TMEM132D: variants seen among roughly 807,000 people sequenced by gnomAD.
TMEM132D encodes the protein mature OL transmembrane protein.
In TMEM132D, 21 loss-of-function variants were observed where a neutral mutation model predicts 62.3. The observed-to-expected ratio is 0.34, with a 90% CI of 0.24 to 0.49. The LOEUF (loss-of-function observed/expected upper bound fraction) is 0.49. Among genes scored for constraint, TMEM132D ranks in the 20% least tolerant of loss-of-function variants. The pLI, the probability that TMEM132D is intolerant of heterozygous loss-of-function variation, is 0.99. For missense variants in TMEM132D, 1,346 were observed against 1,402.8 expected, an observed-to-expected ratio of 0.96 and a Z score of 0.65; for synonymous variants, 621 against 575.6, an observed-to-expected ratio of 1.08 and a Z score of -1.13.
intron 3 of TMEM132D, among the ~76,000 whole-genome samples, chr12:129,514,106 T>C (rs1029566346): frequency 6.6e-5 from 10 of 151,980 alleles, no homozygotes. Context: ...CCCAAAGTGC[T>C]GGGATTACAG....
chr12:129,131,383 G>C (rs1323598135), intron 5 of TMEM132D, among the ~76,000 whole-genome samples: 5 of 152,210 alleles, frequency 3.3e-5, no homozygotes, highest in Non-Finnish European at 5.9e-5. Flanking sequence ...AAGGTGGGCG[G>C]ATTGCTTGAG....
chr12:129,538,870 CG>C (rs1876492232), intron 2 of TMEM132D, among the ~76,000 whole-genome samples: 2 of 149,690 alleles, frequency 1.3e-5, no homozygotes, highest in African/African-American at 5.0e-5. Flanking sequence ...TGACCCCTGG[CG>C]ATAGGTCAGA....
At chr12:129,817,682 G>T (rs537692883) in intron 1 of TMEM132D, among the ~76,000 whole-genome samples, 4 of 143,126 alleles carry the variant, frequency 2.8e-5, no homozygotes, top group East Asian at 2.2e-4. Context: ...ATGTGTGGGG[G>T]GTGTGTATGT....
intron 1 of TMEM132D, among the ~76,000 whole-genome samples, chr12:129,711,798 ATATAT>A (rs1868380243): frequency 6.8e-6 from 1 of 148,096 alleles, no homozygotes; most frequent in Admixed American, 6.8e-5. Context: ...TATTATAAAT[ATATAT>A]TATATATTTA....
chr12:129,678,967 T>C lies in TMEM132D; in HGVS notation c.968+20843A>G, dbSNP rs76970720. On this transcript the variant is annotated intron_variant, in intron 2 of 8. Coordinates refer to ENST00000422113, the MANE Select transcript of TMEM132D (RefSeq NM_133448.3). ...TTTTTGGGCTTTTTCTGTTCATTTG[T>C]TATTTATCTATTGTATTCCAGTATC... 7.9e-3 allele frequency among the ~76,000 whole-genome samples: 1,209 copies of C among 152,170 alleles called. 18 individuals are homozygous for C. Among genetic ancestry groups the C allele is most frequent in the African/African-American group, 0.028 (1,150 of 41,576 alleles).
At chr12:129,236,633 T>A (rs1879794429) in intron 4 of TMEM132D, among the ~76,000 whole-genome samples, 1 of 152,014 alleles carries the variant, frequency 6.6e-6, no homozygotes, top group Non-Finnish European at 1.5e-5. Flanking sequence ...TTTCGTGGCG[T>A]CTTTAGGGTT....
chr12:129,272,799 G>T (rs775191400), intron 4 of TMEM132D, among the ~76,000 whole-genome samples: 1 of 151,700 alleles, frequency 6.6e-6, no homozygotes, highest in Non-Finnish European at 1.5e-5. Context: ...GGCGGCTCAC[G>T]CCTGTAATCC....
rs144799233 is a variant in TMEM132D at position 129,789,430 on chromosome 12, G to A, written c.80-88732C>T. Among the ~76,000 whole-genome samples the A allele has an allele frequency of 3.9e-5, 6 of 152,306 alleles. No individual in the cohort carries two copies. In the South Asian group the frequency reaches 8.3e-4, roughly 21 times the overall value. On this transcript the variant is annotated intron_variant, in intron 1 of 8. Coordinates refer to ENST00000422113, the MANE Select transcript of TMEM132D (RefSeq NM_133448.3). ...GTGAAAAAGATACTTACACACGCAC[G>A]TTTATAGCAGCACAATTTGCAATTG...
At chr12:129,233,066 C>T (rs1481757348) in intron 4 of TMEM132D, among the ~76,000 whole-genome samples, 1 of 152,178 alleles carries the variant, frequency 6.6e-6, no homozygotes, top group East Asian at 1.9e-4. Context: ...CACAATGCCT[C>T]CTTTTTCATT....
At chr12:129,263,521 C>A (rs550360775) in intron 4 of TMEM132D, among the ~76,000 whole-genome samples, 1 of 152,080 alleles carries the variant, frequency 6.6e-6, no homozygotes, top group East Asian at 1.9e-4. Context: ...GTGCTCTTGA[C>A]CATATATGGA....
At chr12:129,700,914 T>C (rs956091403) in intron 1 of TMEM132D, among the ~76,000 whole-genome samples, 2 of 152,266 alleles carry the variant, frequency 1.3e-5, no homozygotes, top group Non-Finnish European at 2.9e-5. Context: ...CAGTATCATT[T>C]AACCTATAAA....
chr12:129,539,533 T>A (rs2137096518), intron 2 of TMEM132D, among the ~76,000 whole-genome samples: 1 of 150,972 alleles, frequency 6.6e-6, no homozygotes, highest in African/African-American at 2.4e-5. Flanking sequence ...GCCTCCCAAG[T>A]AGCTGGGACT....
intron 5 of TMEM132D, among the ~76,000 whole-genome samples, chr12:129,193,946 G>C (rs978408165): frequency 3.3e-5 from 5 of 152,152 alleles, no homozygotes; most frequent in African/African-American, 1.2e-4. Flanking sequence ...GATTTTTCTT[G>C]AACGTCTCTT....
intron 1 of TMEM132D, among the ~76,000 whole-genome samples, chr12:129,869,942 C>A (rs1026498089): frequency 6.6e-5 from 10 of 152,146 alleles, no homozygotes; most frequent in Admixed American, 2.6e-4. Context: ...GCTTTAGAAA[C>A]CCCTGGCACT....
chr12:129,605,500 C>T (rs1878591208), intron 2 of TMEM132D, among the ~76,000 whole-genome samples: 1 of 150,806 alleles, frequency 6.6e-6, no homozygotes, highest in Non-Finnish European at 1.5e-5. Flanking sequence ...ACACTTGCAT[C>T]CAGCACTAGA....
chr12:129,790,937 A>G (rs1447104498), intron 1 of TMEM132D, among the ~76,000 whole-genome samples: 3 of 152,260 alleles, frequency 2.0e-5, no homozygotes, highest in Non-Finnish European at 4.4e-5. Context: ...ATCTGCATCT[A>G]TAAATTGCTG....
intron 3 of TMEM132D, among the ~76,000 whole-genome samples, chr12:129,474,999 G>T (rs1874216570): frequency 6.6e-6 from 1 of 152,210 alleles, no homozygotes; most frequent in African/African-American, 2.4e-5. Context: ...TGGCCTGCTA[G>T]ATGCAGAGAC....
At chr12:129,818,549 TGTG>T (rs1872445387) in intron 1 of TMEM132D, among the ~76,000 whole-genome samples, 1 of 149,488 alleles carries the variant, frequency 6.7e-6, no homozygotes. Flanking sequence ...CATATATGTG[TGTG>T]GTGAGGTGTA....
intron 2 of TMEM132D, among the ~76,000 whole-genome samples, chr12:129,564,542 C>A (rs1160105694): frequency 2.6e-5 from 4 of 152,138 alleles, no homozygotes; most frequent in Non-Finnish European, 4.4e-5. Flanking sequence ...TTTCTTTTAC[C>A]CTTCTTTCGT....
Sources: gnomAD v4.1 joint callset for allele counts (sites outside exome capture counted in the v4.1 genomes callset) on GRCh38, gnomAD v4.1.1 for gene constraint, MANE v1.5 for transcripts, NCBI Gene and HGNC (gene_info 2026-07-23, HGNC 2026-07-21) for gene names.